The following SH3RF3 variants were observed in gnomAD, a reference collection of about 807,000 sequenced individuals.
SH3RF3 encodes SH3 domain containing ring finger 3.
A neutral mutation model predicts 66.3 loss-of-function variants in SH3RF3; 29 were observed. That is an observed-to-expected ratio of 0.44 (90% CI 0.33 to 0.60). The LOEUF is 0.60. SH3RF3 is among the 20% of genes least tolerant of loss of function. The pLI is 0.04. For missense variants in SH3RF3, 1,194 were observed against 1,190.9 expected, an observed-to-expected ratio of 1.00 and a Z score of -0.04; for synonymous variants, 583 against 532.0, an observed-to-expected ratio of 1.10 and a Z score of -1.32.
chr2:109,149,344 A>G (rs892182900), intron 1 of SH3RF3, among the ~76,000 whole-genome samples: 1 of 152,230 alleles, frequency 6.6e-6, no homozygotes, highest in African/African-American at 2.4e-5. Context: ...CCTCTACTCC[A>G]TTTAATCAAG....
Position 109,425,061 on chromosome 2 carries a change from G to A in SH3RF3, c.1403+5419G>A, listed in dbSNP as rs550953076. Among the ~76,000 whole-genome samples, 160 of 152,358 alleles carry A rather than the reference G, an allele frequency of 1.1e-3. 2 individuals are homozygous for A. The highest frequency in any genetic ancestry group is 3.5e-3 in the Admixed American group (54 of 15,300). On this transcript the variant is annotated intron_variant, in intron 5 of 9. Coordinates refer to ENST00000309415, the MANE Select transcript of SH3RF3 (RefSeq NM_001099289.3). ...ACACGAATTATAAGAAAGTGAAACA[G>A]CCTAATTGCTGATACGGAGAATGTT...
chr2:109,472,452 C>T (rs1373433637), intron 8 of SH3RF3, among the ~76,000 whole-genome samples: 1 of 152,186 alleles, frequency 6.6e-6, no homozygotes, highest in African/African-American at 2.4e-5. Flanking sequence ...CCCGACGGGG[C>T]TTCCCGTCAG....
chr2:109,376,781 G>A (rs79701372), intron 3 of SH3RF3, among the ~76,000 whole-genome samples: 24,417 of 152,276 alleles, frequency 0.16, 2,356 homozygotes, highest in East Asian at 0.38. Context: ...CCCCACACGT[G>A]CATGTGGTGG....
chr2:109,478,164 AT>A (rs1280742374), intron 8 of SH3RF3, among the ~76,000 whole-genome samples: 26 of 152,204 alleles, frequency 1.7e-4, no homozygotes, highest in Admixed American at 1.7e-3. Context: ...GGGGCAGGCG[AT>A]TCTAGTGCAT....
At chr2:109,145,675 C>A (rs892820498) in intron 1 of SH3RF3, among the ~76,000 whole-genome samples, 3 of 152,204 alleles carry the variant, frequency 2.0e-5, no homozygotes, top group African/African-American at 7.2e-5. Context: ...TAGAATTTAT[C>A]TTCTGGTTGT....
At chr2:109,173,985 G>A (rs185410387) in intron 1 of SH3RF3, among the ~76,000 whole-genome samples, 189 of 152,362 alleles carry the variant, frequency 1.2e-3, no homozygotes, top group Admixed American at 5.2e-3. Flanking sequence ...CCTGAGACTG[G>A]CATTGGTGGC....
At chr2:109,501,360 T>G (rs1679380091) in intron 9 of SH3RF3, 143 bp from the exon 10 acceptor site, 1 of 502,782 alleles carries the variant, frequency 2.0e-6, no homozygotes, top group African/African-American at 1.9e-5. Flanking sequence ...TTGAAAAAAT[T>G]AAAAATAAAG....
intron 7 of SH3RF3, among the ~76,000 whole-genome samples, chr2:109,442,271 A>G (rs934959571): frequency 9.1e-4 from 138 of 151,060 alleles, no homozygotes; most frequent in South Asian, 1.7e-3. Context: ...AGATCGTGCC[A>G]CTGCACTCCA....
intron 1 of SH3RF3, among the ~76,000 whole-genome samples, chr2:109,273,453 C>T (rs894213647): frequency 2.0e-5 from 3 of 152,058 alleles, no homozygotes; most frequent in African/African-American, 4.8e-5. Flanking sequence ...CGGGGCTGGG[C>T]GGAGGAGGGG....
intron 1 of SH3RF3, among the ~76,000 whole-genome samples, chr2:109,276,974 C>T (rs1324989131): frequency 6.6e-6 from 1 of 152,046 alleles, no homozygotes; most frequent in African/African-American, 2.4e-5. Flanking sequence ...CTCGGCTTCT[C>T]CCTGAAAGGA....
At chr2:109,473,475 A>G (rs1430283630) in intron 8 of SH3RF3, among the ~76,000 whole-genome samples, 4 of 152,180 alleles carry the variant, frequency 2.6e-5, no homozygotes, top group Non-Finnish European at 5.9e-5. Flanking sequence ...GGGATGTAAA[A>G]TAGCAGATAT....
At chr2:109,357,757 T>C (rs1394075697) in intron 2 of SH3RF3, among the ~76,000 whole-genome samples, 1 of 152,178 alleles carries the variant, frequency 6.6e-6, no homozygotes, top group Admixed American at 6.5e-5. Flanking sequence ...TTTTAAAAAA[T>C]AGGTGTTATA....
intron 1 of SH3RF3, among the ~76,000 whole-genome samples, chr2:109,208,402 C>G (rs1678891279): frequency 6.6e-6 from 1 of 152,234 alleles, no homozygotes; most frequent in Non-Finnish European, 1.5e-5. Context: ...GCTTATGCTT[C>G]CTGTATCTTG....
chr2:109,268,840 T>C (rs190572925), intron 1 of SH3RF3, among the ~76,000 whole-genome samples: 1 of 152,332 alleles, frequency 6.6e-6, no homozygotes, highest in African/African-American at 2.4e-5. Context: ...GCTATGAGGT[T>C]TGCCAGGTTG....
intron 1 of SH3RF3, among the ~76,000 whole-genome samples, chr2:109,268,609 T>C (rs572071408): frequency 2.8e-4 from 43 of 152,342 alleles, no homozygotes; most frequent in African/African-American, 9.6e-4. Context: ...ACTGAACAAT[T>C]TTTAACTTCA....
intron 2 of SH3RF3, among the ~76,000 whole-genome samples, chr2:109,355,869 G>C (rs559321155): frequency 1.3e-5 from 2 of 152,270 alleles, no homozygotes; most frequent in African/African-American, 2.4e-5. Context: ...CTCCTTCCTT[G>C]TCCTTCTGAA....
At chr2:109,408,900 G>A (rs1485526355) in intron 4 of SH3RF3, among the ~76,000 whole-genome samples, 5 of 152,214 alleles carry the variant, frequency 3.3e-5, no homozygotes, top group East Asian at 3.9e-4. Flanking sequence ...GGCAACAGGC[G>A]AGTGAGAGCT....
chr2:109,172,515 T>C (rs998338009), intron 1 of SH3RF3, among the ~76,000 whole-genome samples: 1 of 152,234 alleles, frequency 6.6e-6, no homozygotes, highest in Non-Finnish European at 1.5e-5. Flanking sequence ...GTAATTTTCC[T>C]TTCTTACCTC....
At chr2:109,274,470 G>A (rs544856947) in intron 1 of SH3RF3, among the ~76,000 whole-genome samples, 14 of 152,336 alleles carry the variant, frequency 9.2e-5, no homozygotes, top group South Asian at 6.2e-4. Context: ...AAATGAAATT[G>A]TCATATATGC....
Sources: gnomAD v4.1 joint callset for allele counts (sites outside exome capture counted in the v4.1 genomes callset) on GRCh38, gnomAD v4.1.1 for gene constraint, MANE v1.5 for transcripts, NCBI Gene and HGNC (gene_info 2026-07-23, HGNC 2026-07-21) for gene names.